GTF2B: variants seen among roughly 807,000 people sequenced by gnomAD.
GTF2B encodes general transcription factor IIB, also known as transcription initiation factor IIB.
A neutral mutation model predicts 34.6 loss-of-function variants in GTF2B; 20 were observed. The ratio of observed to expected loss-of-function variants is 0.58; its 90% CI spans 0.41 to 0.84. GTF2B has a LOEUF of 0.84. GTF2B is among the 40% of genes least tolerant of loss of function. The pLI is 0.00. For missense variants in GTF2B, 237 were observed against 393.3 expected (o/e 0.60, Z 3.36); for synonymous variants, 142 against 132.4 (o/e 1.07, Z -0.50).
rs938422340 is a variant in GTF2B at position 88,853,741 on chromosome 1, T to C, written c.818-395A>G. ...ATCGCTTGAACCCAGGAGGAGGAGG[T>C]TGCAGTGAGCCGAGATCGCACCACT... On this transcript the variant is annotated intron_variant, in intron 6 of 6. Coordinates refer to ENST00000370500, the MANE Select transcript of GTF2B (RefSeq NM_001514.6). Among the ~76,000 whole-genome samples the C allele has an allele frequency of 3.9e-5, 6 of 151,920 alleles. No homozygotes were observed. In the South Asian group the frequency reaches 6.2e-4, roughly 16 times the overall value.
chr1:88,867,415 T>TG (rs150071916), intron 2 of GTF2B, among the ~76,000 whole-genome samples: 1,686 of 152,306 alleles, frequency 0.011, 32 homozygotes, highest in African/African-American at 0.038. Context: ...AGTGATACCA[T>TG]GGTGTTCCCA....
chr1:88,860,670 C>T (rs1439995339), intron 3 of GTF2B, among the ~76,000 whole-genome samples: 4 of 152,056 alleles, frequency 2.6e-5, no homozygotes, highest in Non-Finnish European at 4.4e-5. Flanking sequence ...TAATGTAAAA[C>T]ATTATATTAA....
At chr1:88,864,996 C>T (rs767852225) in intron 2 of GTF2B, among the ~76,000 whole-genome samples, 2 of 152,192 alleles carry the variant, frequency 1.3e-5, no homozygotes, top group Non-Finnish European at 2.9e-5. Flanking sequence ...TAAAACATGA[C>T]CTTTTTCAGT....
intron 2 of GTF2B, among the ~76,000 whole-genome samples, chr1:88,884,023 C>CTT (rs56745053): frequency 0.015 from 1,626 of 111,100 alleles, 88 homozygotes; most frequent in African/African-American, 0.056. Context: ...TCAGCACTGA[C>CTT]TTTTTTTTTT....
intron 2 of GTF2B, among the ~76,000 whole-genome samples, chr1:88,885,993 C>T (rs77171564): frequency 0.024 from 3,583 of 152,262 alleles, 65 homozygotes; most frequent in Middle Eastern, 0.044. Flanking sequence ...ACCTAAACGT[C>T]AGTTTCCTTA....
At chr1:88,889,122 C>CATA (rs1276508536) in intron 1 of GTF2B, among the ~76,000 whole-genome samples, 1 of 152,098 alleles carries the variant, frequency 6.6e-6, no homozygotes, top group African/African-American at 2.4e-5. Flanking sequence ...TTTGTTAAAG[C>CATA]ATAAACACTA....
intron 2 of GTF2B, among the ~76,000 whole-genome samples, chr1:88,879,167 AAGG>A (rs1322653993): frequency 1.3e-5 from 2 of 152,250 alleles, no homozygotes; most frequent in African/African-American, 4.8e-5. Flanking sequence ...CCTCAAGAAG[AAGG>A]AGGTTTGACA....
At chr1:88,859,773 T>A in intron 5 of GTF2B, 109 bp downstream of exon 5, 1 of 869,156 alleles carries the variant, frequency 1.2e-6, no homozygotes, top group Non-Finnish European at 1.8e-6. Flanking sequence ...GAGGCAGAGG[T>A]TGCAGTGAGT....
intron 3 of GTF2B, 86 bp from the exon 4 acceptor site, chr1:88,860,372 C>A: frequency 1.1e-6 from 1 of 928,794 alleles, no homozygotes; most frequent in East Asian, 2.4e-5. Flanking sequence ...CTTACAAGAT[C>A]TGATTCTACA....
chr1:88,875,762 A>C (rs955612470), intron 2 of GTF2B, among the ~76,000 whole-genome samples: 3 of 152,156 alleles, frequency 2.0e-5, no homozygotes, highest in African/African-American at 7.2e-5. Context: ...TCTCTTTCAT[A>C]CACTATCCAA....
chr1:88,860,043 C>G, intron 4 of GTF2B, 32 bp from the exon 5 acceptor site: 4 of 1,611,304 alleles, frequency 2.5e-6, no homozygotes, highest in Non-Finnish European at 3.4e-6. Context: ...TTTAACTCTA[C>G]GTCATTTAAT....
chr1:88,875,735 G>C (rs575142578), intron 2 of GTF2B, among the ~76,000 whole-genome samples: 267 of 152,288 alleles, frequency 1.8e-3, no homozygotes, highest in Non-Finnish European at 3.1e-3. Context: ...CGCGGATACT[G>C]TATTAAGTTA....
intron 2 of GTF2B, among the ~76,000 whole-genome samples, chr1:88,865,348 C>T (rs1673525137): frequency 6.6e-6 from 1 of 152,182 alleles, no homozygotes; most frequent in African/African-American, 2.4e-5. Context: ...CTATTTACTG[C>T]TATGAAAATT....
intron 2 of GTF2B, among the ~76,000 whole-genome samples, chr1:88,869,930 C>CT (rs373929464): frequency 1.0e-3 from 148 of 144,050 alleles, no homozygotes; most frequent in South Asian, 1.8e-3. Flanking sequence ...GCCAAAATGA[C>CT]TTTTTTTTTT....
chr1:88,886,733 C>T (rs1416883530), intron 2 of GTF2B, among the ~76,000 whole-genome samples: 1 of 152,122 alleles, frequency 6.6e-6, no homozygotes, highest in Non-Finnish European at 1.5e-5. Context: ...GATTAGCTCC[C>T]ACCCCACATT....
intron 1 of GTF2B, among the ~76,000 whole-genome samples, chr1:88,889,606 T>G (rs1674153306): frequency 6.6e-6 from 1 of 152,240 alleles, no homozygotes; most frequent in South Asian, 2.1e-4. Context: ...ATGGAACTAA[T>G]AAGTGGCGGA....
chr1:88,891,121 G>GGT (rs1553164283), intron 1 of GTF2B, among the ~76,000 whole-genome samples: 1 of 26,110 alleles, frequency 3.8e-5, no homozygotes, highest in Non-Finnish European at 8.7e-5. Context: ...AAAAACAAGC[G>GGT]GGGGGGGGGG....
chr1:88,854,639 G>T (rs1673261674), intron 6 of GTF2B, among the ~76,000 whole-genome samples: 1 of 151,852 alleles, frequency 6.6e-6, no homozygotes, highest in African/African-American at 2.4e-5. Context: ...AGTAGCTGAG[G>T]CACCTGCCAC....
intron 2 of GTF2B, among the ~76,000 whole-genome samples, chr1:88,864,757 G>C (rs1234812631): frequency 1.3e-5 from 2 of 152,274 alleles, no homozygotes; most frequent in Non-Finnish European, 2.9e-5. Context: ...TTACTGTTTT[G>C]GTGAGAAAGC....
Sources: gnomAD v4.1 joint callset for allele counts (sites outside exome capture counted in the v4.1 genomes callset) on GRCh38, gnomAD v4.1.1 for gene constraint, MANE v1.5 for transcripts, NCBI Gene and HGNC (gene_info 2026-07-23, HGNC 2026-07-21) for gene names.